CHRM3: variants seen among roughly 807,000 people sequenced by gnomAD.
CHRM3 encodes the protein muscarinic acetylcholine receptor M3.
A neutral mutation model predicts 41.8 loss-of-function variants in CHRM3; 11 were observed. That is an observed-to-expected ratio of 0.26 (90% CI 0.17 to 0.44). The LOEUF (loss-of-function observed/expected upper bound fraction) is 0.44. Among genes scored for constraint, CHRM3 ranks in the 20% least tolerant of loss-of-function variants. The probability of loss-of-function intolerance (pLI) is 1.00; values close to 1 mark genes in which losing one functional copy is unlikely to be tolerated. For synonymous variants in CHRM3, 297 were observed against 301.4 expected, an observed-to-expected ratio of 0.99 and a Z score of 0.15; for missense variants, 571 against 745.4, an observed-to-expected ratio of 0.77 and a Z score of 2.72.
intron 1 of CHRM3, among the ~76,000 whole-genome samples, chr1:239,492,024 G>A (rs147833769): frequency 2.4e-4 from 36 of 152,260 alleles, no homozygotes; most frequent in Middle Eastern, 3.4e-3. Flanking sequence ...GCTGTATGAC[G>A]TAAAATGTGT....
intron 1 of CHRM3, among the ~76,000 whole-genome samples, chr1:239,403,824 G>T (rs1660183056): frequency 6.6e-6 from 1 of 151,864 alleles, no homozygotes; most frequent in South Asian, 2.1e-4. Flanking sequence ...ATTGAAAGCA[G>T]ACCAGCTGAA....
chr1:239,719,854 G>A (rs146610617), intron 5 of CHRM3, among the ~76,000 whole-genome samples: 3 of 152,104 alleles, frequency 2.0e-5, no homozygotes, highest in Admixed American at 1.3e-4. Flanking sequence ...CCTGCTGCCT[G>A]TGGGAAAGGG....
chr1:239,576,217 G>C (rs529111769), intron 3 of CHRM3, among the ~76,000 whole-genome samples: 1 of 152,126 alleles, frequency 6.6e-6, no homozygotes. Flanking sequence ...CAGTCATCCT[G>C]TGAGGCTAGA....
intron 3 of CHRM3, among the ~76,000 whole-genome samples, chr1:239,577,370 A>G (rs776037688): frequency 3.3e-5 from 5 of 152,326 alleles, no homozygotes; most frequent in Middle Eastern, 6.8e-3. Flanking sequence ...TTGAAAAACA[A>G]TAAGGGAAAA....
intron 1 of CHRM3, among the ~76,000 whole-genome samples, chr1:239,420,320 A>C (rs1290268571): frequency 6.6e-6 from 1 of 152,172 alleles, no homozygotes; most frequent in Admixed American, 6.5e-5. Context: ...TAGTGAGCAC[A>C]GAGTTGTAGG....
intron 6 of CHRM3, among the ~76,000 whole-genome samples, chr1:239,892,676 A>AT (rs910126595): frequency 5.3e-5 from 8 of 151,824 alleles, no homozygotes; most frequent in Admixed American, 2.0e-4. Flanking sequence ...GAAACTAGCT[A>AT]TTTTTTTTCA....
chr1:239,397,533 G>A (rs1053163267), intron 1 of CHRM3, among the ~76,000 whole-genome samples: 15 of 151,710 alleles, frequency 9.9e-5, no homozygotes, highest in African/African-American at 2.4e-4. Context: ...TTAGCCGGGC[G>A]TGCTGGCACA....
chr1:239,439,535 T>A (rs1183499947), intron 1 of CHRM3, among the ~76,000 whole-genome samples: 1 of 152,036 alleles, frequency 6.6e-6, no homozygotes, highest in East Asian at 1.9e-4. Context: ...TGAAATAGGG[T>A]CAAAGAAGGG....
chr1:239,641,905 G>C (rs1322386192), intron 4 of CHRM3, among the ~76,000 whole-genome samples: 5 of 127,392 alleles, frequency 3.9e-5, no homozygotes, highest in South Asian at 5.3e-4. Context: ...GGCTGGTACC[G>C]GTTGTTCCTT....
intron 3 of CHRM3, among the ~76,000 whole-genome samples, chr1:239,577,980 C>CT (rs754486719): frequency 3.7e-4 from 57 of 152,138 alleles, no homozygotes; most frequent in Admixed American, 1.6e-3. Context: ...TTTGAGAAGG[C>CT]TTATTAGGTC....
intron 4 of CHRM3, among the ~76,000 whole-genome samples, chr1:239,635,738 C>G (rs908826071): frequency 3.6e-4 from 55 of 152,312 alleles, no homozygotes; most frequent in African/African-American, 1.3e-3. Flanking sequence ...ATTATAATAT[C>G]ATCTAAGCCC....
intron 6 of CHRM3, among the ~76,000 whole-genome samples, chr1:239,884,662 G>T (rs1558209082): frequency 6.6e-6 from 1 of 152,254 alleles, no homozygotes; most frequent in East Asian, 1.9e-4. Flanking sequence ...AGGAAAAATG[G>T]CTCGCCACAG....
At chr1:239,422,184 C>G (rs1171020885) in intron 1 of CHRM3, among the ~76,000 whole-genome samples, 1 of 152,150 alleles carries the variant, frequency 6.6e-6, no homozygotes, top group Non-Finnish European at 1.5e-5. Context: ...TTCAATAATA[C>G]TACCATAAAG....
chr1:239,727,153 T>TC (rs1260715614), intron 5 of CHRM3, among the ~76,000 whole-genome samples: 2 of 151,898 alleles, frequency 1.3e-5, no homozygotes, highest in Admixed American at 1.3e-4. Flanking sequence ...TGACACATAG[T>TC]CCCTACCCAG....
At chr1:239,475,002 C>G (rs1470678361) in intron 1 of CHRM3, among the ~76,000 whole-genome samples, 1 of 152,034 alleles carries the variant, frequency 6.6e-6, no homozygotes, top group Non-Finnish European at 1.5e-5. Flanking sequence ...ATTTCCTACT[C>G]ACAAGAATAA....
At chr1:239,490,621 G>A (rs1199589617) in intron 1 of CHRM3, among the ~76,000 whole-genome samples, 2 of 151,982 alleles carry the variant, frequency 1.3e-5, no homozygotes, top group African/African-American at 4.8e-5. Flanking sequence ...CCAGTCAGTA[G>A]CGCAATCATA....
chr1:239,474,705 T>G (rs1347120202), intron 1 of CHRM3, among the ~76,000 whole-genome samples: 1 of 152,106 alleles, frequency 6.6e-6, no homozygotes, highest in Non-Finnish European at 1.5e-5. Flanking sequence ...TTTAGTGTAG[T>G]GAAACGAAAC....
intron 5 of CHRM3, among the ~76,000 whole-genome samples, chr1:239,695,493 C>T (rs1660099809): frequency 6.6e-6 from 1 of 152,018 alleles, no homozygotes; most frequent in South Asian, 2.1e-4. Flanking sequence ...TTCACTTTCA[C>T]AAGAAATCTG....
chr1:239,865,968 A>G (rs1676056043), intron 6 of CHRM3, among the ~76,000 whole-genome samples: 1 of 152,036 alleles, frequency 6.6e-6, no homozygotes, highest in Non-Finnish European at 1.5e-5. Context: ...ACAAGGGTCT[A>G]TTTTCAGGGT....
Sources: allele counts gnomAD v4.1 joint callset (sites outside exome capture counted in the v4.1 genomes callset), GRCh38; gene constraint gnomAD v4.1.1; transcripts MANE v1.5; gene names NCBI Gene and HGNC (gene_info 2026-07-23, HGNC 2026-07-21).